MAPK4: variants seen among roughly 807,000 people sequenced by gnomAD.
The protein encoded by MAPK4 is Erk3-related.
A neutral mutation model predicts 47.7 loss-of-function variants in MAPK4; 22 were observed. That is an observed-to-expected ratio of 0.46 (90% CI 0.33 to 0.66). MAPK4 has a LOEUF of 0.66. Ranked by LOEUF, MAPK4 falls within the 30% of genes least tolerant of loss-of-function variation. The probability of loss-of-function intolerance (pLI) is 0.02; values close to 1 mark genes in which losing one functional copy is unlikely to be tolerated. For synonymous variants in MAPK4, 390 were observed against 365.7 expected (o/e 1.07, Z -0.76); for missense variants, 736 against 831.7 (o/e 0.88, Z 1.42).
intron 1 of MAPK4, among the ~76,000 whole-genome samples, chr18:50,560,467 C>T (rs866954163): frequency 3.0e-4 from 46 of 152,236 alleles, no homozygotes; most frequent in African/African-American, 1.1e-3. Flanking sequence ...GTGAGCTCCT[C>T]GCCTGCAGAC....
At chr18:50,707,569 C>CAAAAA (rs11419022) in intron 2 of MAPK4, among the ~76,000 whole-genome samples, 1 of 72,520 alleles carries the variant, frequency 1.4e-5, no homozygotes, top group Non-Finnish European at 2.5e-5. Context: ...GCCTCTGTCT[C>CAAAAA]AAAAAAAAAA....
intron 1 of MAPK4, among the ~76,000 whole-genome samples, chr18:50,574,245 T>G (rs2042275411): frequency 6.6e-6 from 1 of 152,256 alleles, no homozygotes; most frequent in South Asian, 2.1e-4. Flanking sequence ...TAGTACATTA[T>G]GGCACATATA....
intron 1 of MAPK4, among the ~76,000 whole-genome samples, chr18:50,654,861 A>G (rs1470552170): frequency 6.6e-6 from 1 of 152,230 alleles, no homozygotes; most frequent in African/African-American, 2.4e-5. Flanking sequence ...CTATTTTAGT[A>G]TCGCTGAGAG....
At chr18:50,604,206 T>C (rs2042564306) in intron 1 of MAPK4, among the ~76,000 whole-genome samples, 2 of 152,228 alleles carry the variant, frequency 1.3e-5, no homozygotes, top group African/African-American at 2.4e-5. Flanking sequence ...GGTTGATGTT[T>C]ATAGTGATGA....
intron 1 of MAPK4, among the ~76,000 whole-genome samples, chr18:50,592,447 C>A (rs1212307846): frequency 6.6e-6 from 1 of 152,138 alleles, no homozygotes; most frequent in East Asian, 1.9e-4. Context: ...TTTGATAGAT[C>A]TCAATAAGAG....
At chr18:50,696,642 G>A (rs1192762678) in intron 2 of MAPK4, among the ~76,000 whole-genome samples, 1 of 152,256 alleles carries the variant, frequency 6.6e-6, no homozygotes, top group Non-Finnish European at 1.5e-5. Flanking sequence ...GCCTCAGCTG[G>A]TGTGATTGAT....
At chr18:50,579,573 G>A (rs2042325907) in intron 1 of MAPK4, among the ~76,000 whole-genome samples, 1 of 152,106 alleles carries the variant, frequency 6.6e-6, no homozygotes, top group South Asian at 2.1e-4. Flanking sequence ...GGTACTAGCT[G>A]GGAGTCACGC....
intron 1 of MAPK4, among the ~76,000 whole-genome samples, chr18:50,564,591 C>T (rs2149355297): frequency 6.6e-6 from 1 of 152,354 alleles, no homozygotes; most frequent in South Asian, 2.1e-4. Flanking sequence ...GGAACTATTA[C>T]ATGTGTAATT....
intron 1 of MAPK4, among the ~76,000 whole-genome samples, chr18:50,560,943 C>G (rs1336526518): frequency 6.6e-6 from 1 of 152,242 alleles, no homozygotes; most frequent in Non-Finnish European, 1.5e-5. Flanking sequence ...GAAGTCAGGC[C>G]GGCTTTTGCT....
At chr18:50,641,083 G>GAGA (rs1372885718) in intron 1 of MAPK4, among the ~76,000 whole-genome samples, 1 of 152,238 alleles carries the variant, frequency 6.6e-6, no homozygotes, top group Non-Finnish European at 1.5e-5. Context: ...AGAGTTGAGT[G>GAGA]AGAAGTCCTG....
intron 1 of MAPK4, among the ~76,000 whole-genome samples, chr18:50,563,368 G>C (rs1403352751): frequency 2.6e-5 from 4 of 152,202 alleles, no homozygotes; most frequent in Admixed American, 2.0e-4. Context: ...TTAGGTATTT[G>C]ATAGATCTTC....
chr18:50,707,146 TC>T (rs755982125), intron 2 of MAPK4, among the ~76,000 whole-genome samples: 1 of 152,116 alleles, frequency 6.6e-6, no homozygotes, highest in Non-Finnish European at 1.5e-5. Flanking sequence ...TGATTCTGCT[TC>T]TGTGAGGTCC....
chr18:50,699,024 CA>C lies in MAPK4; in HGVS notation c.547-16045del, dbSNP rs957263553. The stretch of plus-strand genomic sequence containing the variant: ...TGGGCAACAGAGCAAGACTCTGTCT[CA>C]AAAAAAAAATAAAAATTGAGTAATA... On this transcript the variant is annotated intron_variant, in intron 2 of 5. Coordinates refer to ENST00000400384, the MANE Select transcript of MAPK4 (RefSeq NM_002747.4). Among the ~76,000 whole-genome samples, 823 of 145,548 alleles carry C rather than the reference CA, an allele frequency of 5.7e-3. 2 individuals are homozygous for C. The highest frequency in any genetic ancestry group is 0.019 in the African/African-American group (759 of 39,488).
chr18:50,643,522 C>A (rs2042959612), intron 1 of MAPK4, among the ~76,000 whole-genome samples: 1 of 152,244 alleles, frequency 6.6e-6, no homozygotes, highest in African/African-American at 2.4e-5. Flanking sequence ...AACTCCATCT[C>A]TAAATAAAAT....
chr18:50,613,300 C>A (rs946086264), intron 1 of MAPK4, among the ~76,000 whole-genome samples: 4 of 152,164 alleles, frequency 2.6e-5, no homozygotes, highest in African/African-American at 9.7e-5. Flanking sequence ...TGTGAGAGGG[C>A]CTGTGAAGAG....
chr18:50,657,800 T>C (rs1318262708), intron 1 of MAPK4, among the ~76,000 whole-genome samples: 4 of 151,962 alleles, frequency 2.6e-5, no homozygotes, highest in Non-Finnish European at 5.9e-5. Flanking sequence ...ATCACTTGGC[T>C]CAAGATGTTG....
At chr18:50,593,944 A>C (rs1490812820) in intron 1 of MAPK4, among the ~76,000 whole-genome samples, 13 of 152,216 alleles carry the variant, frequency 8.5e-5, no homozygotes. Flanking sequence ...TGGAAGAAAG[A>C]AGCCAGTAGT....
rs116058628 is a variant in MAPK4 at position 50,618,381 on chromosome 18, C to T, written c.-870-44708C>T. 9.4e-3 allele frequency among the ~76,000 whole-genome samples: 1,427 copies of T among 152,200 alleles called. 21 individuals are homozygous for T. The highest frequency in any genetic ancestry group is 0.032 in the African/African-American group (1,336 of 41,496). On this transcript the variant is annotated intron_variant, in intron 1 of 5. Transcript: ENST00000400384. ...TTTGCTTGTAAAGCTCTACTTGATA[C>T]CCCCAAATAATAGTTTGATTAATGT... is the stretch of plus-strand genomic sequence containing the variant.
chr18:50,636,215 T>C (rs1434720091), intron 1 of MAPK4, among the ~76,000 whole-genome samples: 1 of 152,202 alleles, frequency 6.6e-6, no homozygotes, highest in Non-Finnish European at 1.5e-5. Flanking sequence ...CCCAAATCCC[T>C]TCAATACGTG....
Sources: allele counts gnomAD v4.1 joint callset (sites outside exome capture counted in the v4.1 genomes callset), GRCh38; gene constraint gnomAD v4.1.1; transcripts MANE v1.5; gene names NCBI Gene and HGNC (gene_info 2026-07-23, HGNC 2026-07-21).